MTMR12: variants seen among roughly 807,000 people sequenced by gnomAD.
The protein encoded by MTMR12 is myotubularin-related protein 12.
A neutral mutation model predicts 96.7 loss-of-function variants in MTMR12; 33 were observed. That is an observed-to-expected ratio of 0.34 (90% CI 0.26 to 0.46). MTMR12 has a LOEUF of 0.46. Ranked by LOEUF, MTMR12 falls within the 20% of genes least tolerant of loss-of-function variation. The pLI, the probability that MTMR12 is intolerant of heterozygous loss-of-function variation, is 1.00. For missense variants in MTMR12, 721 were observed against 896.1 expected (o/e 0.80, Z 2.49); for synonymous variants, 298 against 327.2 (o/e 0.91, Z 0.96).
At chr5:32,294,243 C>T (rs903359740) in intron 1 of MTMR12, among the ~76,000 whole-genome samples, 8 of 152,188 alleles carry the variant, frequency 5.3e-5, no homozygotes, top group African/African-American at 1.7e-4. Flanking sequence ...CACTGAGGTG[C>T]CCCTTTGCTA....
chr5:32,242,232 TTA>T, intron 11 of MTMR12, 105 bp from the exon 12 acceptor site: 1 of 735,352 alleles, frequency 1.4e-6, no homozygotes, highest in Non-Finnish European at 2.1e-6. Context: ...GTCTTCTCTC[TTA>T]TTTTTTTTTT....
rs145268622 is a variant in MTMR12 at position 32,233,952 on chromosome 5, G to A, written c.1513-18C>T. On this transcript the variant is annotated intron_variant, in intron 14 of 15. Coordinates refer to ENST00000382142, the MANE Select transcript of MTMR12 (RefSeq NM_001040446.3). The surrounding 1 kb of genome is among the most constrained non-coding windows in gnomAD (Gnocchi z 5.0). ...TCTCTACCCTGCCAAAACAAGCACA[G>A]GTCATGCTGTTTTCCAGGGAGGGCT... The A allele has an allele frequency of 6.2e-7, 1 of 1,613,730 alleles. No individual in the cohort carries two copies. The highest frequency in any genetic ancestry group is 1.3e-5 in the African/African-American group (1 of 74,982).
chr5:32,282,209 C>T (rs907764806), intron 1 of MTMR12, among the ~76,000 whole-genome samples: 5 of 151,780 alleles, frequency 3.3e-5, no homozygotes, highest in South Asian at 2.1e-4. Context: ...GGTGAAACCC[C>T]GTCTCTACTA....
In MTMR12 at chr5:32,255,957, G is replaced by A. The variant is rs1283182279; in HGVS notation, c.714-189C>T. ...GTGAAGTACTCTGGACAAATCAGTG[G>A]GGAATCTAAGTTCAAACTGTGGCTC... On this transcript the variant is annotated intron_variant, in intron 7 of 15. Coordinates refer to ENST00000382142, the MANE Select transcript of MTMR12 (RefSeq NM_001040446.3). 5 of 403,766 alleles carry A rather than the reference G, an allele frequency of 1.2e-5. No individual in the cohort carries two copies. In the Admixed American group the frequency reaches 2.2e-4, roughly 18 times the overall value. 25.0% of individuals were successfully genotyped at this position (403,766 alleles called of 1,614,324 possible). A position where few individuals can be genotyped will look rare whatever the true frequency, so the allele number is the denominator to read the frequency against.
chr5:32,260,149 G>A (rs1167758496), intron 7 of MTMR12, among the ~76,000 whole-genome samples: 1 of 151,516 alleles, frequency 6.6e-6, no homozygotes, highest in African/African-American at 2.4e-5. Flanking sequence ...GAGCCTGTGG[G>A]TAAGACCTGT....
chr5:32,305,719 C>T (rs754657797), intron 1 of MTMR12, among the ~76,000 whole-genome samples: 1 of 152,090 alleles, frequency 6.6e-6, no homozygotes, highest in East Asian at 1.9e-4. Context: ...GCCTGACCAA[C>T]GTGGAGAAAT....
At chr5:32,299,093 A>G (rs982683994) in intron 1 of MTMR12, among the ~76,000 whole-genome samples, 12 of 152,104 alleles carry the variant, frequency 7.9e-5, no homozygotes, top group Non-Finnish European at 1.2e-4. Flanking sequence ...ACACGCACAC[A>G]CACACACATA....
At chr5:32,235,372 T>C (rs1383055441) in intron 13 of MTMR12, among the ~76,000 whole-genome samples, 1 of 152,218 alleles carries the variant, frequency 6.6e-6, no homozygotes, top group Non-Finnish European at 1.5e-5. Context: ...AAAACCTCAT[T>C]ATGGATCAGT....
chr5:32,298,945 T>C (rs1581645150), intron 1 of MTMR12, among the ~76,000 whole-genome samples: 6 of 111,814 alleles, frequency 5.4e-5, no homozygotes, highest in Non-Finnish European at 6.8e-5. Context: ...AGAGCGAGAC[T>C]CCATCTCAAA....
chr5:32,283,334 G>A (rs963763849), intron 1 of MTMR12, among the ~76,000 whole-genome samples: 1 of 149,974 alleles, frequency 6.7e-6, no homozygotes, highest in Non-Finnish European at 1.5e-5. Flanking sequence ...TGGGTACAGG[G>A]CCAGCCCTTA....
chr5:32,243,793 C>T (rs558666259), intron 10 of MTMR12, among the ~76,000 whole-genome samples, 194 bp from the exon 11 acceptor site: 2 of 152,208 alleles, frequency 1.3e-5, no homozygotes, highest in East Asian at 3.9e-4. Flanking sequence ...GCTGTAGGCC[C>T]CTAGAAGATT....
intron 7 of MTMR12, among the ~76,000 whole-genome samples, chr5:32,261,820 C>A (rs142738253): frequency 0.036 from 5,526 of 152,298 alleles, 337 homozygotes; most frequent in African/African-American, 0.12. Context: ...CACCTGTAAT[C>A]CCAGCACTTT....
chr5:32,258,105 T>C (rs976624376), intron 7 of MTMR12, among the ~76,000 whole-genome samples: 5 of 151,382 alleles, frequency 3.3e-5, no homozygotes, highest in Non-Finnish European at 4.4e-5. Flanking sequence ...CCAGCCTGGG[T>C]GACACAGTGA....
At chr5:32,310,869 ATTTC>A (rs909235507) in intron 1 of MTMR12, among the ~76,000 whole-genome samples, 30 of 147,896 alleles carry the variant, frequency 2.0e-4, no homozygotes, top group South Asian at 6.6e-4. Context: ...GTATCCAAAG[ATTTC>A]TTTCTTTTTT....
At chr5:32,291,817 C>T (rs918175191) in intron 1 of MTMR12, among the ~76,000 whole-genome samples, 5 of 152,298 alleles carry the variant, frequency 3.3e-5, no homozygotes, top group South Asian at 2.1e-4. Context: ...TGGCACCATT[C>T]CTCAGGGCGA....
chr5:32,257,919 T>C (rs1749205294), intron 7 of MTMR12, among the ~76,000 whole-genome samples: 1 of 151,976 alleles, frequency 6.6e-6, no homozygotes, highest in Admixed American at 6.6e-5. Flanking sequence ...AATATAAAAA[T>C]ACAAATATAA....
chr5:32,302,903 CT>C (rs1486685122), intron 1 of MTMR12, among the ~76,000 whole-genome samples: 3 of 152,090 alleles, frequency 2.0e-5, no homozygotes, highest in Admixed American at 6.6e-5. Context: ...GGAAAAGAAA[CT>C]TTTAGAGATA....
In MTMR12 at chr5:32,232,865, T is replaced by A. The variant is rs550925469; in HGVS notation, c.1674+908A>T. The A allele has an allele frequency of 9.0e-6, 7 of 775,890 alleles. No homozygotes were observed. In the South Asian group the frequency reaches 4.1e-4, roughly 46 times the overall value. 48.1% of individuals were successfully genotyped at this position (775,890 alleles called of 1,614,324 possible). On this transcript the variant is annotated intron_variant, in intron 15 of 15. Coordinates refer to ENST00000382142, the MANE Select transcript of MTMR12 (RefSeq NM_001040446.3). The stretch of plus-strand genomic sequence containing the variant: ...GTCCTCTTTAGAATGGAACCAACTC[T>A]GACACCAGAAAGGGCCAGGCTTTCT...
chr5:32,230,386 T>C (rs1213510392), intron 15 of MTMR12, 39 bp from the exon 16 acceptor site: 2 of 1,524,286 alleles, frequency 1.3e-6, no homozygotes, highest in Non-Finnish European at 1.8e-6. Flanking sequence ...CTGGTTAACA[T>C]AACAGGCACA....
Sources: gnomAD v4.1 joint callset for allele counts (sites outside exome capture counted in the v4.1 genomes callset) on GRCh38, gnomAD v4.1.1 for gene constraint, Gnocchi (gnomAD v3.1) non-coding constraint, MANE v1.5 for transcripts, NCBI Gene and HGNC (gene_info 2026-07-23, HGNC 2026-07-21) for gene names.